Variants in ADK observed in about 807,000 individuals in gnomAD.
ADK encodes N6,N6-dimethyladenosine kinase.
Under a neutral mutation model 44.7 loss-of-function variants are expected in ADK, and 24 were observed. The observed-to-expected ratio is 0.54, with a 90% CI of 0.39 to 0.76. ADK has a LOEUF of 0.76. Ranked by LOEUF, ADK falls within the 30% of genes least tolerant of loss-of-function variation. The probability of loss-of-function intolerance (pLI) is 0.00; values close to 1 mark genes in which losing one functional copy is unlikely to be tolerated. For missense variants in ADK, 321 were observed against 425.1 expected (o/e 0.76, Z 2.15); for synonymous variants, 128 against 142.6 (o/e 0.90, Z 0.73).
intron 7 of ADK, among the ~76,000 whole-genome samples, chr10:74,554,248 G>A (rs1175734578): frequency 6.6e-6 from 1 of 151,926 alleles, no homozygotes; most frequent in East Asian, 1.9e-4. Flanking sequence ...CAAAGAATAT[G>A]TCTAACATAT....
chr10:74,647,986 A>G (rs1028254493), intron 9 of ADK, among the ~76,000 whole-genome samples: 1 of 152,132 alleles, frequency 6.6e-6, no homozygotes, highest in Non-Finnish European at 1.5e-5. Context: ...CTCAGCCCAC[A>G]CTACAATTTA....
intron 4 of ADK, among the ~76,000 whole-genome samples, chr10:74,378,700 G>A (rs1842887679): frequency 6.6e-6 from 1 of 152,128 alleles, no homozygotes; most frequent in Non-Finnish European, 1.5e-5. Flanking sequence ...TGAGATTTGG[G>A]TAAAGACTTT....
chr10:74,683,418 C>G (rs1177862571), intron 10 of ADK, among the ~76,000 whole-genome samples: 4 of 152,170 alleles, frequency 2.6e-5, no homozygotes, highest in African/African-American at 9.7e-5. Flanking sequence ...ATCAGTCTTA[C>G]AGATATTATA....
At chr10:74,197,960 G>A (rs1037929894) in intron 1 of ADK, among the ~76,000 whole-genome samples, 1 of 152,212 alleles carries the variant, frequency 6.6e-6, no homozygotes, top group African/African-American at 2.4e-5. Flanking sequence ...GGGGGCAGGA[G>A]GATACTTTTT....
At chr10:74,300,713 C>T (rs1840002196) in intron 3 of ADK, among the ~76,000 whole-genome samples, 1 of 152,102 alleles carries the variant, frequency 6.6e-6, no homozygotes, top group Non-Finnish European at 1.5e-5. Flanking sequence ...CATACCAGTG[C>T]TTATATGTAA....
At chr10:74,493,706 A>G (rs1462987728) in intron 6 of ADK, among the ~76,000 whole-genome samples, 1 of 152,022 alleles carries the variant, frequency 6.6e-6, no homozygotes, top group African/African-American at 2.4e-5. Flanking sequence ...AGATATTATA[A>G]TTTTTATTAT....
chr10:74,226,068 T>C (rs1371313720), intron 3 of ADK, among the ~76,000 whole-genome samples: 2 of 152,148 alleles, frequency 1.3e-5, no homozygotes, highest in Admixed American at 1.3e-4. Context: ...ATAATTCATC[T>C]CTATGGGTAT....
At chr10:74,371,553 G>A in intron 4 of ADK, 1 of 1,171,792 alleles carries the variant, frequency 8.5e-7, no homozygotes, top group South Asian at 1.2e-5. Context: ...AGCCCTTGAT[G>A]TCCTGCAAAT....
intron 9 of ADK, among the ~76,000 whole-genome samples, chr10:74,627,930 C>T (rs1402807586): frequency 6.6e-6 from 1 of 152,178 alleles, no homozygotes; most frequent in African/African-American, 2.4e-5. Context: ...AGCCACCACA[C>T]CTGGCCTACC....
intron 1 of ADK, among the ~76,000 whole-genome samples, chr10:74,189,630 A>G (rs1190321136): frequency 6.6e-6 from 1 of 152,236 alleles, no homozygotes; most frequent in Non-Finnish European, 1.5e-5. Context: ...CACCACTTAA[A>G]AATTGCACAG....
chr10:74,546,003 A>G (rs990115643), intron 7 of ADK, among the ~76,000 whole-genome samples: 1 of 152,158 alleles, frequency 6.6e-6, no homozygotes, highest in African/African-American at 2.4e-5. Context: ...TGCAAAAATG[A>G]CCTCTTCATT....
chr10:74,380,949 A>G (rs554114206), intron 4 of ADK, among the ~76,000 whole-genome samples: 2 of 152,278 alleles, frequency 1.3e-5, no homozygotes, highest in East Asian at 3.9e-4. Context: ...AAAGGAAGAA[A>G]GGGAAAAAGA....
chr10:74,684,344 A>G (rs1855717519), intron 10 of ADK, among the ~76,000 whole-genome samples: 1 of 152,218 alleles, frequency 6.6e-6, no homozygotes, highest in Non-Finnish European at 1.5e-5. Context: ...CTCACTCTAA[A>G]TTAGGCTACC....
chr10:74,270,383 T>C (rs1846382328), intron 3 of ADK, among the ~76,000 whole-genome samples: 2 of 152,234 alleles, frequency 1.3e-5, no homozygotes, highest in South Asian at 4.1e-4. Flanking sequence ...AAGAATGGTA[T>C]TGCTTTTTGC....
intron 1 of ADK, among the ~76,000 whole-genome samples, chr10:74,186,913 A>G (rs1432732339): frequency 4.6e-5 from 7 of 152,196 alleles, no homozygotes; most frequent in Admixed American, 1.3e-4. Flanking sequence ...TAAAGTTGCT[A>G]TGAACATTTT....
intron 5 of ADK, among the ~76,000 whole-genome samples, chr10:74,395,837 G>A (rs1843486474): frequency 6.6e-6 from 1 of 152,112 alleles, no homozygotes; most frequent in African/African-American, 2.4e-5. Context: ...TGGCCAACAT[G>A]GTGAAACTCC....
intron 3 of ADK, among the ~76,000 whole-genome samples, chr10:74,244,415 A>G (rs1845338092): frequency 6.6e-6 from 1 of 152,196 alleles, no homozygotes; most frequent in African/African-American, 2.4e-5. Context: ...GGAAGCATTC[A>G]AATATTCTAA....
At chr10:74,281,523 T>C (rs553098950) in intron 3 of ADK, among the ~76,000 whole-genome samples, 1 of 152,184 alleles carries the variant, frequency 6.6e-6, no homozygotes, top group Non-Finnish European at 1.5e-5. Context: ...ACACTAAAGA[T>C]GACACAGGAA....
intron 3 of ADK, among the ~76,000 whole-genome samples, chr10:74,269,290 T>C (rs1336813964): frequency 6.6e-6 from 1 of 152,172 alleles, no homozygotes; most frequent in Non-Finnish European, 1.5e-5. Flanking sequence ...ACAATACATA[T>C]GAAACTCTTG....
Sources: gnomAD v4.1 joint callset for allele counts (sites outside exome capture counted in the v4.1 genomes callset) on GRCh38, gnomAD v4.1.1 for gene constraint, MANE v1.5 for transcripts, NCBI Gene and HGNC (gene_info 2026-07-23, HGNC 2026-07-21) for gene names.